The following TMPRSS15 variants were observed in gnomAD, a reference collection of about 807,000 sequenced individuals.
TMPRSS15 encodes transmembrane serine protease 15.
In TMPRSS15, 128 loss-of-function variants were observed where a neutral mutation model predicts 125.3. That is an observed-to-expected ratio of 1.02 (90% CI 0.89 to 1.18). TMPRSS15 has a LOEUF of 1.18. Ranked by LOEUF, TMPRSS15 falls within the 50% of genes most tolerant of loss-of-function variation. TMPRSS15 has a pLI of 0.00. For synonymous variants in TMPRSS15, 446 were observed against 423.2 expected, an observed-to-expected ratio of 1.05 and a Z score of -0.66; for missense variants, 1,283 against 1,212.7, an observed-to-expected ratio of 1.06 and a Z score of -0.86.
rs2075616523 is a variant in TMPRSS15 at position 18,355,516 on chromosome 21, C to T, written c.881-1653G>A. 2.0e-5 allele frequency among the ~76,000 whole-genome samples: 3 copies of T among 151,834 alleles called. No individual in the cohort carries two copies. The South Asian group carries it at 6.2e-4, about 31-fold the overall frequency. Reference sequence around the variant, plus strand: ...TAAGATAGTCTTAAAGTCTCCTTGCCTAATAAGAGTCCCAGGACTACAGAT... The same window carrying T: ...TAAGATAGTCTTAAAGTCTCCTTGCTTAATAAGAGTCCCAGGACTACAGAT... On this transcript the variant is annotated intron_variant, in intron 8 of 24. Transcript: ENST00000284885.
At chr21:18,336,594 C>T (rs1278447777) in intron 13 of TMPRSS15, among the ~76,000 whole-genome samples, 1 of 152,062 alleles carries the variant, frequency 6.6e-6, no homozygotes, top group Non-Finnish European at 1.5e-5. Flanking sequence ...ATTCTCTGTA[C>T]TCTAAATTTG....
chr21:18,273,771 A>AT, intron 24 of TMPRSS15, among the ~76,000 whole-genome samples: 1 of 152,324 alleles, frequency 6.6e-6, no homozygotes, highest in South Asian at 2.1e-4. Flanking sequence ...AAAAAGAAGT[A>AT]TAAGACCCGA....
At chr21:18,485,043 T>C (rs1435955631) in intron 1 of TMPRSS15, among the ~76,000 whole-genome samples, 6 of 151,944 alleles carry the variant, frequency 3.9e-5, no homozygotes, top group Non-Finnish European at 4.4e-5. Context: ...TTATTTTTGT[T>C]ATTTGTGTTT....
chr21:18,393,257 A>G (rs916592598), intron 3 of TMPRSS15, among the ~76,000 whole-genome samples: 1 of 152,180 alleles, frequency 6.6e-6, no homozygotes, highest in African/African-American at 2.4e-5. Flanking sequence ...TCTCTAAAAA[A>G]CTAGTAACTA....
At chr21:18,412,191 A>G (rs1441622471) in intron 1 of TMPRSS15, among the ~76,000 whole-genome samples, 1 of 152,182 alleles carries the variant, frequency 6.6e-6, no homozygotes, top group African/African-American at 2.4e-5. Flanking sequence ...TTTTAACTTT[A>G]ATAATCCCAG....
At chr21:18,452,155 C>A (rs1978349362) in intron 1 of TMPRSS15, among the ~76,000 whole-genome samples, 1 of 152,042 alleles carries the variant, frequency 6.6e-6, no homozygotes, top group Non-Finnish European at 1.5e-5. Flanking sequence ...TATGTGATGG[C>A]ACCTGCGAGT....
chr21:18,308,003 G>A (rs1032583367), intron 18 of TMPRSS15, among the ~76,000 whole-genome samples: 1 of 152,074 alleles, frequency 6.6e-6, no homozygotes, highest in Admixed American at 6.5e-5. Flanking sequence ...AGTCATCCGG[G>A]GCACTTGGGC....
chr21:18,340,905 G>A (rs1029651083), intron 13 of TMPRSS15, among the ~76,000 whole-genome samples: 2 of 152,140 alleles, frequency 1.3e-5, no homozygotes, highest in African/African-American at 4.8e-5. Context: ...ATAACGAAGA[G>A]TGGTTTTCAT....
At chr21:18,292,796 C>A (rs2074854448) in intron 21 of TMPRSS15, among the ~76,000 whole-genome samples, 1 of 152,168 alleles carries the variant, frequency 6.6e-6, no homozygotes, top group South Asian at 2.1e-4. Context: ...ACGCAAACAA[C>A]ATGTGTAAAG....
rs1336576134 is a variant in TMPRSS15 at position 18,371,110 on chromosome 21, G to T, written c.664+1083C>A. On this transcript the variant is annotated intron_variant, in intron 6 of 24. Transcript: ENST00000284885. ...GGGGATATTTTCTAAGACCTCCAGTGGATGCCTGAACCATGGATAGTACTG... is the reference window on the plus strand; with the variant it reads ...GGGGATATTTTCTAAGACCTCCAGTTGATGCCTGAACCATGGATAGTACTG... Among the ~76,000 whole-genome samples, 3 of 152,068 alleles carry T rather than the reference G, an allele frequency of 2.0e-5. 1 individual carries two copies. The highest frequency in any genetic ancestry group is 7.2e-5 in the African/African-American group (3 of 41,398).
At chr21:18,317,077 A>G (rs901726417) in intron 16 of TMPRSS15, among the ~76,000 whole-genome samples, 5 of 152,234 alleles carry the variant, frequency 3.3e-5, no homozygotes, top group Non-Finnish European at 5.9e-5. Context: ...AGTCAATATA[A>G]TAACATTACT....
chr21:18,312,945 C>A lies in TMPRSS15; in HGVS notation c.2165G>T (p.Gly722Val), dbSNP rs527666973. ...AAAGGAACTCAGTAGAATTACTTAC[C>A]CTAGTCCCAGCAGTTGACAAACATC... ...SNDVCQLLGLGSGNSSKPIFP... is the reference protein window; with the variant it reads ...SNDVCQLLGLVSGNSSKPIFP... The change falls in exon 18 of 25, where the codon GGG (glycine) becomes GTG (valine). Residue 722 changes from glycine (G) to valine (V), a missense_variant and splice_region_variant. Coordinates refer to ENST00000284885, the MANE Select transcript of TMPRSS15 (RefSeq NM_002772.3). 48 of 1,613,424 alleles carry A rather than the reference C, an allele frequency of 3.0e-5. 1 individual carries two copies. In the South Asian group the frequency reaches 4.1e-4, roughly 14 times the overall value.
rs61425148 is a variant in TMPRSS15 at position 18,472,480 on chromosome 21, T to TAC, written c.10+13317_10+13318dup. Among the ~76,000 whole-genome samples, 439 of 112,270 alleles carry TAC rather than the reference T, an allele frequency of 3.9e-3. 3 individuals carry two copies. Among genetic ancestry groups the TAC allele is most frequent in the African/African-American group, 6.4e-3 (208 of 32,424 alleles). The allele number at this position is 112,270 out of a possible 152,430, so 73.7% of individuals were successfully genotyped here. A position where few individuals can be genotyped will look rare whatever the true frequency, so the allele number is the denominator to read the frequency against. On this transcript the variant is annotated intron_variant, in intron 1 of 7. Coordinates refer to the TMPRSS15 transcript ENST00000422787. ...TTATATATATATATATATATATATA[T>TAC]ACACACACACACACATACACACACA... is the stretch of plus-strand genomic sequence containing the variant.
chr21:18,398,066 A>G (rs1232995644), intron 2 of TMPRSS15, 120 bp from the exon 3 acceptor site: 1 of 1,250,706 alleles, frequency 8.0e-7, no homozygotes, highest in Non-Finnish European at 1.2e-6. Context: ...TCTCCATAGT[A>G]ATGGGGCTCA....
At chr21:18,436,993 C>T in intron 1 of TMPRSS15, among the ~76,000 whole-genome samples, 1 of 141,772 alleles carries the variant, frequency 7.1e-6, no homozygotes, top group African/African-American at 2.6e-5. Context: ...TCATATGGAA[C>T]CAAAAAAGAG....
intron 5 of TMPRSS15, among the ~76,000 whole-genome samples, chr21:18,378,270 A>G (rs2075862082): frequency 6.6e-6 from 1 of 152,110 alleles, no homozygotes; most frequent in African/African-American, 2.4e-5. Flanking sequence ...GAGGCTGTAA[A>G]TAATTTTCCA....
chr21:18,459,170 C>T lies in TMPRSS15; in HGVS notation c.10+26629G>A, dbSNP rs183596955. Among the ~76,000 whole-genome samples the T allele has an allele frequency of 4.9e-3, 744 of 152,220 alleles. 7 individuals carry two copies. Among genetic ancestry groups the T allele is most frequent in the African/African-American group, 0.017 (721 of 41,552 alleles). On this transcript the variant is annotated intron_variant, in intron 1 of 7. Transcript: ENST00000422787. Reference sequence around the variant, plus strand: ...GCATTATGGTTGCAATAAATTTTCCCCCAGTTAATTTGATGCATTTATAAA... The same window carrying T: ...GCATTATGGTTGCAATAAATTTTCCTCCAGTTAATTTGATGCATTTATAAA...
At chr21:18,374,465 G>A (rs1417558935) in intron 5 of TMPRSS15, among the ~76,000 whole-genome samples, 1 of 114,120 alleles carries the variant, frequency 8.8e-6, no homozygotes, top group African/African-American at 3.4e-5. Context: ...GGGCGACAGA[G>A]CGAGACTCCG....
intron 16 of TMPRSS15, among the ~76,000 whole-genome samples, chr21:18,316,522 C>T (rs905029956): frequency 2.6e-5 from 4 of 152,082 alleles, no homozygotes; most frequent in African/African-American, 7.2e-5. Flanking sequence ...GAAACTTTGC[C>T]GTATCGGTAA....
Sources: allele counts gnomAD v4.1 joint callset (sites outside exome capture counted in the v4.1 genomes callset), GRCh38; gene constraint gnomAD v4.1.1; transcripts MANE v1.5; gene names NCBI Gene and HGNC (gene_info 2026-07-23, HGNC 2026-07-21).